PDE2A: variants seen among roughly 807,000 people sequenced by gnomAD.
PDE2A encodes the protein phosphodiesterase 2A.
In PDE2A, 53 loss-of-function variants were observed where a neutral mutation model predicts 133.6. That is an observed-to-expected ratio of 0.40 (90% CI 0.32 to 0.50). PDE2A has a LOEUF of 0.50. PDE2A is among the 20% of genes least tolerant of loss of function. PDE2A has a pLI of 0.73. For synonymous variants in PDE2A, 491 were observed against 490.2 expected (o/e 1.00, Z -0.02); for missense variants, 796 against 1,232.4 (o/e 0.65, Z 5.30).
rs1855724036 is a variant in PDE2A, at chr11:72,581,488, G to GGGAAGAGGGC, written c.1923-19_1923-10dup. On this transcript the variant is annotated splice_polypyrimidine_tract_variant and intron_variant, in intron 22 of 30. Transcript: ENST00000334456. ...TCACCATCAAACAGAACCTGGGGGA[G>GGGAAGAGGGC]GGAAGAGGGCAGAAGAGGGGCCTCA... is the stretch of plus-strand genomic sequence containing the variant. The GGGAAGAGGGC allele has an allele frequency of 1.9e-6, 3 of 1,587,034 alleles. No homozygotes were observed. In the African/African-American group the frequency reaches 4.0e-5, roughly 21 times the overall value.
intron 1 of PDE2A, among the ~76,000 whole-genome samples, chr11:72,666,868 G>A (rs1159594436): frequency 6.6e-6 from 1 of 152,202 alleles, no homozygotes; most frequent in Admixed American, 6.5e-5. Context: ...TACTTTGGGA[G>A]GCCAAGGTGG....
intron 2 of PDE2A, among the ~76,000 whole-genome samples, chr11:72,615,967 G>A (rs1459267881): frequency 2.0e-5 from 3 of 152,168 alleles, no homozygotes; most frequent in African/African-American, 4.8e-5. Context: ...CTGGTGAGGT[G>A]GCAGGCCTCC....
At chr11:72,594,550 C>T (rs763039881) in intron 6 of PDE2A, among the ~76,000 whole-genome samples, 14 of 152,098 alleles carry the variant, frequency 9.2e-5, no homozygotes, top group Non-Finnish European at 1.8e-4. Flanking sequence ...AGAGTTCTTC[C>T]CTGCCCAGGG....
intron 1 of PDE2A, among the ~76,000 whole-genome samples, chr11:72,673,011 AC>A (rs1229048713): frequency 3.3e-5 from 5 of 151,844 alleles, no homozygotes; most frequent in Non-Finnish European, 7.4e-5. Flanking sequence ...CCACAGAAGC[AC>A]CGATATACAC....
At position 72,578,439 on chromosome 11, in the gene PDE2A, C is replaced by T; in HGVS notation, c.2508+37G>A. On this transcript the variant is annotated intron_variant, in intron 29 of 30. Coordinates refer to ENST00000334456, the MANE Select transcript of PDE2A (RefSeq NM_002599.5). This position sits in a 1 kb window ranked among gnomAD's most constrained non-coding sequence, Gnocchi z 4.2. ...TCCCTGTCCCAGGCCAGGAACCCTC[C>T]CCCATCCTGGACATCCTGGGGTCAC... is the stretch of plus-strand genomic sequence containing the variant. 6.3e-7 allele frequency: 1 copy of T among 1,598,926 alleles called. No individual in the cohort carries two copies. The highest frequency in any genetic ancestry group is 1.1e-5 in the South Asian group (1 of 90,754).
At chr11:72,631,019 C>T in intron 2 of PDE2A, 7 of 1,361,664 alleles carry the variant, frequency 5.1e-6, no homozygotes, top group Non-Finnish European at 7.2e-6. Context: ...TCAGACTGAT[C>T]TTCAGTCTGC....
rs996862417 is a variant in PDE2A, at chr11:72,590,808, A to C, written c.550-228T>G. ...CCAGGAACAGGAGGGTACAGGGTCT[A>C]TCTCCATCCCTAGCCCCTAGATTCT... On this transcript the variant is annotated intron_variant, in intron 7 of 30. Coordinates refer to ENST00000334456, the MANE Select transcript of PDE2A (RefSeq NM_002599.5). The surrounding 1 kb of genome is among the most constrained non-coding windows in gnomAD (Gnocchi z 4.8). 4.6e-6 allele frequency: 2 copies of C among 434,896 alleles called. No individual in the cohort carries two copies. Among genetic ancestry groups the C allele is most frequent in the Admixed American group, 4.2e-5 (1 of 24,022 alleles). The allele number at this position is 434,896 out of a possible 1,614,324, so 26.9% of individuals were successfully genotyped here. A position where few individuals can be genotyped will look rare whatever the true frequency, so the allele number is the denominator to read the frequency against.
At chr11:72,627,855 A>T (rs1858163388) in intron 2 of PDE2A, among the ~76,000 whole-genome samples, 1 of 152,204 alleles carries the variant, frequency 6.6e-6, no homozygotes, top group Admixed American at 6.5e-5. Flanking sequence ...ACCAACTTGA[A>T]CTGCCCCAGA....
chr11:72,578,157 T>C lies in PDE2A; in HGVS notation c.2615+76A>G. The C allele has an allele frequency of 7.5e-6, 7 of 928,898 alleles. No individual in the cohort carries two copies. The highest frequency in any genetic ancestry group is 1.2e-5 in the Non-Finnish European group (7 of 563,652). 57.5% of individuals were successfully genotyped at this position (928,898 alleles called of 1,614,324 possible). Reference sequence around the variant, plus strand: ...CCTGGGCCAGGCCAATCTCAGCACCTGTGTTTCCTGTGATGTCCCCACTCC... The same window carrying C: ...CCTGGGCCAGGCCAATCTCAGCACCCGTGTTTCCTGTGATGTCCCCACTCC... On this transcript the variant is annotated intron_variant, in intron 30 of 30. Transcript: ENST00000334456. This position sits in a 1 kb window ranked among gnomAD's most constrained non-coding sequence, Gnocchi z 4.2.
intron 24 of PDE2A, 28 bp downstream of exon 24, chr11:72,580,858 C>T (rs1295528670): frequency 7.3e-7 from 1 of 1,365,200 alleles, no homozygotes; most frequent in East Asian, 2.3e-5. Flanking sequence ...CATGGAGGGT[C>T]CCCACTGTGA....
intron 6 of PDE2A, among the ~76,000 whole-genome samples, chr11:72,593,030 G>C (rs1173032325): frequency 6.6e-6 from 1 of 151,968 alleles, no homozygotes; most frequent in Non-Finnish European, 1.5e-5. Flanking sequence ...AGAAGGCTGG[G>C]ACCCCTCTAA....
chr11:72,627,306 G>A (rs1026269901), intron 2 of PDE2A, among the ~76,000 whole-genome samples: 3 of 152,200 alleles, frequency 2.0e-5, no homozygotes, highest in Non-Finnish European at 2.9e-5. Context: ...ACAGCACCCC[G>A]TGGGGTAACA....
At chr11:72,592,971 G>C (rs1856318784) in intron 6 of PDE2A, among the ~76,000 whole-genome samples, 1 of 152,060 alleles carries the variant, frequency 6.6e-6, no homozygotes, top group African/African-American at 2.4e-5. Context: ...GCACATGGAG[G>C]AGGACGTGGT....
chr11:72,597,478 GCC>G lies in PDE2A; in HGVS notation c.433+30_433+31del. On this transcript the variant is annotated intron_variant, in intron 5 of 30. Transcript: ENST00000334456. This position sits in a 1 kb window ranked among gnomAD's most constrained non-coding sequence, Gnocchi z 4.6. ...GGGGCCACAGTCCCTCCCTGCCCCT[GCC>G]CCTGCCCCTGCCCAGCCCCTAGCCC... 1 of 1,289,398 alleles carries G rather than the reference GCC, an allele frequency of 7.8e-7. No individual in the cohort carries two copies. Among genetic ancestry groups the G allele is most frequent in the Non-Finnish European group, 1.1e-6 (1 of 901,934 alleles). 79.9% of individuals were successfully genotyped at this position (1,289,398 alleles called of 1,614,324 possible).
At chr11:72,586,683 T>C (rs1855989425) in intron 13 of PDE2A, among the ~76,000 whole-genome samples, 1 of 152,232 alleles carries the variant, frequency 6.6e-6, no homozygotes, top group South Asian at 2.1e-4. Flanking sequence ...TGAGACAAGA[T>C]AAGCCCCAAA....
chr11:72,596,472 TC>T (rs1856486120), intron 6 of PDE2A, 120 bp downstream of exon 6: 1 of 218,638 alleles, frequency 4.6e-6, no homozygotes, highest in East Asian at 7.0e-5. Context: ...TCTCTCTCTC[TC>T]TCTCTCTCTC....
chr11:72,625,783 C>T (rs1309109943), intron 2 of PDE2A, among the ~76,000 whole-genome samples: 1 of 152,206 alleles, frequency 6.6e-6, no homozygotes, highest in African/African-American at 2.4e-5. Flanking sequence ...CCACAGACTC[C>T]CCCCAGCAAG....
chr11:72,638,053 A>AG (rs2135430037), intron 2 of PDE2A, among the ~76,000 whole-genome samples: 1 of 152,202 alleles, frequency 6.6e-6, no homozygotes, highest in African/African-American at 2.4e-5. Context: ...TCTCCTTGCC[A>AG]GGGGGGTCAT....
chr11:72,598,710 C>T (rs929810135), intron 4 of PDE2A: 23 of 1,277,920 alleles, frequency 1.8e-5, no homozygotes, highest in East Asian at 5.6e-5. Context: ...CTGCAAGTCA[C>T]GAGATCACTA....
Sources: allele counts gnomAD v4.1 joint callset (sites outside exome capture counted in the v4.1 genomes callset), GRCh38; gene constraint gnomAD v4.1.1; non-coding constraint Gnocchi (gnomAD v3.1); transcripts MANE v1.5; gene names NCBI Gene and HGNC (gene_info 2026-07-23, HGNC 2026-07-21).